The following CACNA1A variants were observed in gnomAD, a reference collection of about 807,000 sequenced individuals.
CACNA1A encodes voltage-dependent P/Q-type calcium channel subunit alpha-1A.
In CACNA1A, 57 loss-of-function variants were observed where a neutral mutation model predicts 262.4. The observed-to-expected ratio is 0.22, with a 90% confidence interval of 0.18 to 0.27. CACNA1A has a LOEUF of 0.27. Among genes scored for constraint, CACNA1A ranks in the 10% least tolerant of loss-of-function variants. CACNA1A has a pLI of 1.00. For missense variants in CACNA1A, 2,526 were observed against 3,562.8 expected (o/e 0.71, Z 7.41); for synonymous variants, 1,431 against 1,419.3 (o/e 1.01, Z -0.18).
chr19:13,438,097 A>T (rs1294619392), intron 3 of CACNA1A, among the ~76,000 whole-genome samples: 3 of 149,400 alleles, frequency 2.0e-5, no homozygotes, highest in Non-Finnish European at 4.4e-5. Context: ...CTCTCAGCAG[A>T]GTTTTTGCTG....
At chr19:13,397,361 G>A (rs2059826990) in intron 3 of CACNA1A, among the ~76,000 whole-genome samples, 1 of 152,174 alleles carries the variant, frequency 6.6e-6, no homozygotes, top group African/African-American at 2.4e-5. Context: ...AGAGCTGGAA[G>A]CCCAAGAAAC....
chr19:13,301,723 C>T (rs1162832823), intron 17 of CACNA1A, among the ~76,000 whole-genome samples: 2 of 152,190 alleles, frequency 1.3e-5, no homozygotes, highest in Non-Finnish European at 2.9e-5. Flanking sequence ...GAAATGAACC[C>T]GCCCATAAGA....
chr19:13,370,341 T>TCCAC (rs1419571173), intron 4 of CACNA1A, among the ~76,000 whole-genome samples: 2 of 151,888 alleles, frequency 1.3e-5, no homozygotes, highest in African/African-American at 4.8e-5. Context: ...CCTCAGGTGA[T>TCCAC]CCACCCATCC....
At chr19:13,310,272 T>C (rs1014682381) in intron 12 of CACNA1A, among the ~76,000 whole-genome samples, 3 of 150,130 alleles carry the variant, frequency 2.0e-5, no homozygotes, top group Non-Finnish European at 3.0e-5. Context: ...CCTGGGCAAA[T>C]TGCTGAATCC....
At chr19:13,443,664 A>C (rs143473131) in intron 3 of CACNA1A, among the ~76,000 whole-genome samples, 17 of 152,316 alleles carry the variant, frequency 1.1e-4, no homozygotes, top group Middle Eastern at 3.4e-3. Context: ...AGTATATCAT[A>C]TTGTAAGCAC....
chr19:13,505,827 C>G (rs1234705943), intron 1 of CACNA1A, 105 bp downstream of exon 1: 1 of 1,212,316 alleles, frequency 8.2e-7, no homozygotes. Context: ...CCCCCCTCCT[C>G]CCCACCTCCC....
intron 27 of CACNA1A, chr19:13,259,306 T>G (rs1459285537): frequency 5.6e-6 from 1 of 179,806 alleles, no homozygotes; most frequent in East Asian, 8.6e-5. Flanking sequence ...CCACCATGCC[T>G]GGCAGCTTTT....
intron 24 of CACNA1A, among the ~76,000 whole-genome samples, chr19:13,265,851 T>TG (rs1369040222): frequency 2.0e-5 from 3 of 151,806 alleles, no homozygotes; most frequent in African/African-American, 7.3e-5. Context: ...TTTACTTTTT[T>TG]TTTTTTTTTT....
intron 3 of CACNA1A, among the ~76,000 whole-genome samples, chr19:13,375,171 A>G (rs1044826172): frequency 6.6e-6 from 1 of 152,118 alleles, no homozygotes; most frequent in South Asian, 2.1e-4. Flanking sequence ...TAATTATTAC[A>G]TCTGTTATGG....
At chr19:13,475,890 T>C (rs1202470165) in intron 1 of CACNA1A, among the ~76,000 whole-genome samples, 1 of 152,072 alleles carries the variant, frequency 6.6e-6, no homozygotes, top group East Asian at 1.9e-4. Context: ...CAAAACACAT[T>C]GTGAAAAGTA....
chr19:13,501,453 C>T (rs915242471), intron 1 of CACNA1A, among the ~76,000 whole-genome samples: 5 of 152,158 alleles, frequency 3.3e-5, no homozygotes, highest in South Asian at 2.1e-4. Flanking sequence ...GGATTATAGG[C>T]GTGAACCACC....
chr19:13,214,382 C>G lies in CACNA1A; in HGVS notation c.5840-49G>C. ...TCACCAAGGGCAGGCCTCTTTGGGG[C>G]CCTTGTCCTGGGTCCCTGTGTATAC... On this transcript the variant is annotated intron_variant, in intron 39 of 46. Transcript: ENST00000360228. This position sits in a 1 kb window ranked among gnomAD's most constrained non-coding sequence, Gnocchi z 4.1. The G allele has an allele frequency of 1.3e-6, 2 of 1,590,904 alleles. No individual in the cohort carries two copies. The highest frequency in any genetic ancestry group is 1.7e-6 in the Non-Finnish European group (2 of 1,162,056).
At chr19:13,307,710 T>G (rs550895726) in intron 15 of CACNA1A, 72 bp downstream of exon 15, 1 of 1,280,092 alleles carries the variant, frequency 7.8e-7, no homozygotes. Flanking sequence ...GGAAGCCCCT[T>G]GGATGTGGAG....
rs16049 is a variant in CACNA1A, at chr19:13,209,496, G to C, written c.6342C>G (p.Thr2114=). ...GCTTCATGGGGCTGGTGTCTGAGAT[G>C]GTCTGGGGGAGGGGACAGGCCGGTG... is the stretch of plus-strand genomic sequence containing the variant. ...RGRPRGNNLS[T]ISDTSPMKRS... Residue 2114 remains threonine (T), a splice_region_variant and synonymous_variant, in exon 45 of 47, where the codon ACC becomes ACG. Transcript: ENST00000360228. 4.0e-3 allele frequency: 5,259 copies of C among 1,309,830 alleles called. 145 individuals are homozygous for C. The African/African-American group carries it at 0.07, about 17-fold the overall frequency. 81.1% of individuals were successfully genotyped at this position (1,309,830 alleles called of 1,614,324 possible).
intron 3 of CACNA1A, among the ~76,000 whole-genome samples, chr19:13,433,397 G>C (rs1202804026): frequency 7.0e-6 from 1 of 143,116 alleles, no homozygotes; most frequent in Non-Finnish European, 1.5e-5. Flanking sequence ...GGAGGTCAAG[G>C]CTGCAATAAG....
chr19:13,402,761 TATATATAC>T (rs1020939707), intron 3 of CACNA1A, among the ~76,000 whole-genome samples: 2 of 130,202 alleles, frequency 1.5e-5, no homozygotes, highest in African/African-American at 6.1e-5. Flanking sequence ...TATACACACA[TATATATAC>T]ATATATATAC....
intron 1 of CACNA1A, among the ~76,000 whole-genome samples, chr19:13,459,786 G>A (rs759822137): frequency 4.6e-5 from 7 of 152,154 alleles, no homozygotes; most frequent in African/African-American, 9.7e-5. Flanking sequence ...TGGCAGGGAT[G>A]TGACTTCCTT....
chr19:13,378,075 G>T (rs773416277), intron 3 of CACNA1A, among the ~76,000 whole-genome samples: 1 of 152,196 alleles, frequency 6.6e-6, no homozygotes, highest in Non-Finnish European at 1.5e-5. Flanking sequence ...AGTCAATTCC[G>T]ATCCTCATGG....
At chr19:13,213,860 T>A (rs532900511) in intron 40 of CACNA1A, 102 of 168,844 alleles carry the variant, frequency 6.0e-4, no homozygotes, top group African/African-American at 8.9e-4. Context: ...ATTTTATTTT[T>A]TTTTTGTAGA....
Sources: gnomAD v4.1 joint callset for allele counts (sites outside exome capture counted in the v4.1 genomes callset) on GRCh38, gnomAD v4.1.1 for gene constraint, Gnocchi (gnomAD v3.1) non-coding constraint, MANE v1.5 for transcripts, NCBI Gene and HGNC (gene_info 2026-07-23, HGNC 2026-07-21) for gene names.